NACC2: variants seen among roughly 807,000 people sequenced by gnomAD.
NACC2 encodes NACC family member 2.
In NACC2, 8 loss-of-function variants were observed where a neutral mutation model predicts 25.1. That is an observed-to-expected ratio of 0.32 (90% CI 0.19 to 0.57). The LOEUF (loss-of-function observed/expected upper bound fraction) is 0.57, where lower values mean the gene tolerates loss of function less well. Ranked by LOEUF, NACC2 falls within the 20% of genes least tolerant of loss-of-function variation. NACC2 has a pLI of 0.89. For synonymous variants in NACC2, 435 were observed against 294.7 expected (o/e 1.48, Z -4.88); for missense variants, 644 against 650.2 (o/e 0.99, Z 0.10).
chr9:136,045,904 C>T (rs2131158521), intron 2 of NACC2, among the ~76,000 whole-genome samples: 1 of 152,268 alleles, frequency 6.6e-6, no homozygotes, highest in African/African-American at 2.4e-5. Context: ...CCAAGCCCAG[C>T]CCCAGCTGGC....
chr9:136,077,558 G>T (rs1830275870), intron 1 of NACC2, among the ~76,000 whole-genome samples: 1 of 152,186 alleles, frequency 6.6e-6, no homozygotes, highest in African/African-American at 2.4e-5. Context: ...AGTATGGAAA[G>T]AATTCTACAA....
Position 136,050,108 on chromosome 9 carries a change from G to C in NACC2, c.414C>G (p.Ala138=). ...CDSQTAVIED[A]GSEPQSPCNQ... is the part of the protein sequence containing the mutation. ...TGCAGGGGCTCTGGGGCTCGGAGCC[G>C]GCGTCCTCGATCACAGCGGTCTGCG... The change falls in exon 2 of 6, where the codon GCC becomes GCG. Residue 138 remains alanine (A), a synonymous_variant. Transcript: ENST00000277554. 4 of 754,124 alleles carry C rather than the reference G, an allele frequency of 5.3e-6. No individual in the cohort carries two copies. Among genetic ancestry groups the C allele is most frequent in the Non-Finnish European group, 4.9e-6 (2 of 409,236 alleles). 46.7% of individuals were successfully genotyped at this position (754,124 alleles called of 1,614,324 possible). A position where few individuals can be genotyped will look rare whatever the true frequency, so the allele number is the denominator to read the frequency against.
At chr9:136,065,576 C>A (rs940048638) in intron 1 of NACC2, among the ~76,000 whole-genome samples, 1 of 152,140 alleles carries the variant, frequency 6.6e-6, no homozygotes, top group African/African-American at 2.4e-5. Context: ...GCCAAGATTG[C>A]GCCACTGCAC....
intron 1 of NACC2, among the ~76,000 whole-genome samples, chr9:136,052,071 C>A (rs948780321): frequency 1.3e-5 from 2 of 152,232 alleles, no homozygotes; most frequent in African/African-American, 4.8e-5. Context: ...GAATGAATAG[C>A]CGCCTTTGAT....
At chr9:136,034,355 T>C (rs1263543188) in intron 2 of NACC2, among the ~76,000 whole-genome samples, 1 of 151,862 alleles carries the variant, frequency 6.6e-6, no homozygotes, top group Non-Finnish European at 1.5e-5. Flanking sequence ...TCTTGACTAT[T>C]AGGAAAGAAA....
chr9:136,079,812 G>A lies in NACC2; in HGVS notation c.-60+15377C>T, dbSNP rs1378195174. Among the ~76,000 whole-genome samples, 5 of 152,334 alleles carry A rather than the reference G, an allele frequency of 3.3e-5. No individual in the cohort carries two copies. In the East Asian group the frequency reaches 9.7e-4, roughly 29 times the overall value. On this transcript the variant is annotated intron_variant, in intron 1 of 5. Transcript: ENST00000277554. ...AAGCCTGTAAGATTTCAGGCCACCA[G>A]GACAGGCAGCAGCCGGGGAAGTCTC...
intron 2 of NACC2, among the ~76,000 whole-genome samples, chr9:136,028,503 G>GT (rs1281462437): frequency 6.6e-6 from 1 of 151,832 alleles, no homozygotes; most frequent in Non-Finnish European, 1.5e-5. Context: ...AGCCTCCTGC[G>GT]TAACTGTGAC....
chr9:136,034,406 G>A (rs1840521709), intron 2 of NACC2, among the ~76,000 whole-genome samples: 1 of 151,982 alleles, frequency 6.6e-6, no homozygotes, highest in African/African-American at 2.4e-5. Flanking sequence ...AGGAAGGTCA[G>A]GAAGAACCCC....
rs984368990 is a variant in NACC2 at position 136,053,049 on chromosome 9, C to T, written c.-59-2469G>A. 2.7e-3 allele frequency among the ~76,000 whole-genome samples: 416 copies of T among 152,358 alleles called. 3 individuals are homozygous for T. The highest frequency in any genetic ancestry group is 4.9e-3 in the Non-Finnish European group (333 of 68,030). On this transcript the variant is annotated intron_variant, in intron 1 of 5. Transcript: ENST00000277554. ...CAAAAGAAGGGGCAGGGTCCAGGCTCGAGGCCTTGAGGTGAGCCCCCTCCT... is the reference window on the plus strand; with the variant it reads ...CAAAAGAAGGGGCAGGGTCCAGGCTTGAGGCCTTGAGGTGAGCCCCCTCCT...
At chr9:136,047,201 C>T (rs950410572) in intron 2 of NACC2, among the ~76,000 whole-genome samples, 4 of 152,152 alleles carry the variant, frequency 2.6e-5, no homozygotes, top group African/African-American at 7.2e-5. Context: ...GGACGTTCCC[C>T]GGACGAGCCC....
chr9:136,027,916 T>C (rs1201753257), intron 2 of NACC2, among the ~76,000 whole-genome samples: 1 of 151,880 alleles, frequency 6.6e-6, no homozygotes. Context: ...AAGACAAATA[T>C]AATGGAAACT....
chr9:136,062,811 G>T (rs1487038946), intron 1 of NACC2, among the ~76,000 whole-genome samples: 1 of 152,178 alleles, frequency 6.6e-6, no homozygotes, highest in African/African-American at 2.4e-5. Context: ...CAGCTGCTTG[G>T]GAGCCTGAGG....
intron 1 of NACC2, 42 bp from the exon 2 acceptor site, chr9:136,050,622 C>T: frequency 1.5e-6 from 1 of 686,546 alleles, no homozygotes; most frequent in Non-Finnish European, 2.6e-6. Context: ...CTCCAGGTCA[C>T]GGGCTCCCCG....
chr9:136,061,176 G>A (rs1841005610), intron 1 of NACC2, among the ~76,000 whole-genome samples: 1 of 152,176 alleles, frequency 6.6e-6, no homozygotes, highest in Admixed American at 6.5e-5. Context: ...CCCCCACCGT[G>A]AGCTCAGACT....
At chr9:136,092,942 C>G (rs1830447721) in intron 1 of NACC2, among the ~76,000 whole-genome samples, 1 of 152,186 alleles carries the variant, frequency 6.6e-6, no homozygotes, top group South Asian at 2.1e-4. Flanking sequence ...AGAGAGGCAG[C>G]CTGGGGACAG....
intron 1 of NACC2, among the ~76,000 whole-genome samples, chr9:136,068,322 AC>A (rs1245365651): frequency 1.6e-4 from 24 of 151,998 alleles, no homozygotes; most frequent in African/African-American, 5.3e-4. Flanking sequence ...ACATGGCAAA[AC>A]CCTGTCTCTA....
At chr9:136,062,599 C>G (rs1182087471) in intron 1 of NACC2, among the ~76,000 whole-genome samples, 1 of 152,238 alleles carries the variant, frequency 6.6e-6, no homozygotes, top group African/African-American at 2.4e-5. Context: ...TGTACGTTCA[C>G]ACCAGCCTCA....
intron 1 of NACC2, among the ~76,000 whole-genome samples, chr9:136,080,550 C>A (rs939637013): frequency 6.6e-6 from 1 of 152,044 alleles, no homozygotes; most frequent in Non-Finnish European, 1.5e-5. Flanking sequence ...GCCTGGGTAA[C>A]AACAGCGAAA....
At position 136,022,576 on chromosome 9, in the gene NACC2, C is replaced by A. The variant is rs545203715; in HGVS notation, c.887-6147G>T. Among the ~76,000 whole-genome samples the A allele has an allele frequency of 1.3e-5, 2 of 152,326 alleles. No homozygotes were observed. The highest frequency in any genetic ancestry group is 4.8e-5 in the African/African-American group (2 of 41,568). On this transcript the variant is annotated intron_variant, in intron 2 of 5. Coordinates refer to ENST00000277554, the MANE Select transcript of NACC2 (RefSeq NM_144653.5). This position sits in a 1 kb window ranked among gnomAD's most constrained non-coding sequence, Gnocchi z 4.4. ...TTTGGGGGTGGGTCCATGGTCCCAG[C>A]TCGCTGCCTCCTGGCCAGTGAGCCT...
Sources: gnomAD v4.1 joint callset for allele counts (sites outside exome capture counted in the v4.1 genomes callset) on GRCh38, gnomAD v4.1.1 for gene constraint, Gnocchi (gnomAD v3.1) non-coding constraint, MANE v1.5 for transcripts, NCBI Gene and HGNC (gene_info 2026-07-23, HGNC 2026-07-21) for gene names.